ABL1: variants seen among roughly 807,000 people sequenced by gnomAD.
ABL1 encodes the protein ABL proto-oncogene 1, non-receptor tyrosine kinase.
A neutral mutation model predicts 94.7 loss-of-function variants in ABL1; 11 were observed. The observed-to-expected ratio is 0.12, with a 90% CI of 0.07 to 0.19. The LOEUF is 0.19. Among genes scored for constraint, ABL1 ranks in the 10% least tolerant of loss-of-function variants. The probability of loss-of-function intolerance (pLI) is 1.00; values close to 1 mark genes in which losing one functional copy is unlikely to be tolerated. For missense variants in ABL1, 1,082 were observed against 1,489.4 expected (o/e 0.73, Z 4.50); for synonymous variants, 656 against 622.4 (o/e 1.05, Z -0.80).
intron 1 of ABL1, among the ~76,000 whole-genome samples, chr9:130,825,236 C>T (rs1322639999): frequency 6.6e-6 from 1 of 152,134 alleles, no homozygotes; most frequent in Non-Finnish European, 1.5e-5. Context: ...CTGGGTTTTA[C>T]ACTGTGGGGA....
chr9:130,824,850 T>C (rs10119862), intron 1 of ABL1, among the ~76,000 whole-genome samples: 2,251 of 152,252 alleles, frequency 0.015, 45 homozygotes, highest in African/African-American at 0.05. Flanking sequence ...ATGCCACATC[T>C]GTCACTTTAA....
chr9:130,758,849 T>C (rs1015867428), intron 1 of ABL1, among the ~76,000 whole-genome samples: 2 of 152,218 alleles, frequency 1.3e-5, no homozygotes, highest in Non-Finnish European at 2.9e-5. Context: ...CAGTTTTCGG[T>C]GCATCTCATC....
chr9:130,724,866 C>G, intron 1 of ABL1: 1 of 465,942 alleles, frequency 2.1e-6, no homozygotes, highest in Non-Finnish European at 4.3e-6. Context: ...CTTCATTCGC[C>G]CAGTCCCTGT....
chr9:130,734,594 T>C (rs1157323324), intron 1 of ABL1, among the ~76,000 whole-genome samples: 2 of 150,562 alleles, frequency 1.3e-5, no homozygotes, highest in African/African-American at 4.9e-5. Flanking sequence ...TGATCTTGGC[T>C]CACTGCAATC....
chr9:130,798,681 AG>A (rs975328809), intron 1 of ABL1, among the ~76,000 whole-genome samples: 5 of 151,976 alleles, frequency 3.3e-5, no homozygotes, highest in South Asian at 2.1e-4. Context: ...AGGAATTGGA[AG>A]GGGGGGCCGG....
Position 130,835,364 on chromosome 9 carries a change from GCGCGGGCCGAGCCGGGCCTGAGCCGGGCC to G in ABL1, c.-77_-49del, listed in dbSNP as rs1276804731. 3.2e-5 allele frequency: 25 copies of G among 778,566 alleles called. No individual in the cohort carries two copies. The East Asian group carries it at 8.9e-4, about 28-fold the overall frequency. 48.2% of individuals were successfully genotyped at this position (778,566 alleles called of 1,614,324 possible). On this transcript the variant is annotated 5_prime_UTR_variant, in exon 1 of 11. Transcript: ENST00000318560. This position sits in a 1 kb window ranked among gnomAD's most constrained non-coding sequence, Gnocchi z 4.6. The stretch of plus-strand genomic sequence containing the variant: ...GCGGGGCCGGGGGCGCCGGGGGGGC[GCGCGGGCCGAGCCGGGCCTGAGCCGGGCC>G]CGCGGACCGAGCTGGGAGAGGGGTT...
intron 1 of ABL1, among the ~76,000 whole-genome samples, chr9:130,839,215 C>CT (rs1830633297): frequency 1.3e-5 from 2 of 152,104 alleles, no homozygotes; most frequent in South Asian, 4.2e-4. Flanking sequence ...GCATGAGCCA[C>CT]TGCACTCAGC....
intron 1 of ABL1, among the ~76,000 whole-genome samples, chr9:130,803,102 C>T (rs1042293237): frequency 4.6e-5 from 7 of 152,232 alleles, no homozygotes; most frequent in South Asian, 4.2e-4. Context: ...TGCAATGGCG[C>T]GATCTCAGCT....
Position 130,735,961 on chromosome 9 carries a change from A to ATATATATATTTTTT in ABL1, c.136+21507_136+21508insATATATATTTTTTT, listed in dbSNP as rs573602038. ...TATATATATATATATATATATATAT[A>ATATATATATTTTTT]TTTTTTTTTTTTAAGACAGGGTCTG... On this transcript the variant is annotated intron_variant, in intron 1 of 10. Coordinates refer to the ABL1 transcript ENST00000372348. Among the ~76,000 whole-genome samples the ATATATATATTTTTT allele has an allele frequency of 8.5e-4, 81 of 94,830 alleles. 1 individual carries two copies. Among genetic ancestry groups the ATATATATATTTTTT allele is most frequent in the East Asian group, 2.0e-3 (5 of 2,442 alleles). 62.2% of individuals were successfully genotyped at this position (94,830 alleles called of 152,430 possible). A position where few individuals can be genotyped will look rare whatever the true frequency, so the allele number is the denominator to read the frequency against.
rs888288563 is a variant in ABL1 at position 130,872,016 on chromosome 9, G to A, written c.823-113G>A. On this transcript the variant is annotated intron_variant, in intron 4 of 10. Coordinates refer to ENST00000318560, the MANE Select transcript of ABL1 (RefSeq NM_005157.6). The surrounding 1 kb of genome is among the most constrained non-coding windows in gnomAD (Gnocchi z 5.0). Reference sequence around the variant, plus strand: ...TGCAGCAATGTGGCTGTCACAAAACGCAGCCCAGGACGAGTATGCGCTGAA... The same window carrying A: ...TGCAGCAATGTGGCTGTCACAAAACACAGCCCAGGACGAGTATGCGCTGAA... 2.6e-5 allele frequency: 22 copies of A among 846,856 alleles called. No individual in the cohort carries two copies. Among genetic ancestry groups the A allele is most frequent in the Non-Finnish European group, 3.5e-5 (19 of 538,342 alleles). 52.5% of individuals were successfully genotyped at this position (846,856 alleles called of 1,614,324 possible).
rs1160908692 is a variant in ABL1, at chr9:130,835,598, T to G, written c.79+73T>G. On this transcript the variant is annotated intron_variant, in intron 1 of 10. Transcript: ENST00000318560. The surrounding 1 kb of genome is among the most constrained non-coding windows in gnomAD (Gnocchi z 4.6). ...GCTGCTGCTGGGCCCTTCCTAGGCC[T>G]CGCCGCCCGCGCGCTCCCGCCTGCG... 4.4e-5 allele frequency: 59 copies of G among 1,341,710 alleles called. No individual in the cohort carries two copies. In the South Asian group the frequency reaches 6.2e-4, roughly 14 times the overall value. 83.1% of individuals were successfully genotyped at this position (1,341,710 alleles called of 1,614,324 possible). A position where few individuals can be genotyped will look rare whatever the true frequency, so the allele number is the denominator to read the frequency against.
At chr9:130,797,155 G>A (rs1173437821) in intron 1 of ABL1, among the ~76,000 whole-genome samples, 1 of 132,310 alleles carries the variant, frequency 7.6e-6, no homozygotes, top group Non-Finnish European at 1.6e-5. Context: ...AGAATCGCTT[G>A]AACCCAGGCG....
intron 1 of ABL1, among the ~76,000 whole-genome samples, chr9:130,807,204 G>A (rs1251741430): frequency 6.6e-6 from 1 of 152,118 alleles, no homozygotes; most frequent in African/African-American, 2.4e-5. Context: ...TATTGTGTGA[G>A]TAGGCCATCA....
rs1564325609 is a variant in ABL1 at position 130,886,580 on chromosome 9, A to C, written c.*897A>C. 8.6e-6 allele frequency: 2 copies of C among 233,322 alleles called. No homozygotes were observed. The highest frequency in any genetic ancestry group is 3.6e-4 in the South Asian group (2 of 5,532). The allele number at this position is 233,322 out of a possible 1,614,324, so 14.5% of individuals were successfully genotyped here. ...CTAGTGGGGTGAACAGCTGGTGCCA[A>C]ATAGCCCCAGACTGGGCCCAGGCAG... On this transcript the variant is annotated 3_prime_UTR_variant, in exon 11 of 11. Coordinates refer to ENST00000318560, the MANE Select transcript of ABL1 (RefSeq NM_005157.6).
Position 130,875,040 on chromosome 9 carries a change from T to A in ABL1, c.1258T>A (p.Ser420Thr). The stretch of plus-strand genomic sequence containing the variant: ...GGCCTACAACAAGTTCTCCATCAAG[T>A]CCGACGTCTGGGGTAAGGGCTGCTG... ...SLAYNKFSIK[S>T]DVWAFGVLLW... The change falls in exon 7 of 11, where the codon TCC becomes ACC. Residue 420 changes from serine (S) to threonine (T), a missense_variant. By Grantham distance (58) the Ser-to-Thr change is moderately conservative. Transcript: ENST00000318560. The A allele has an allele frequency of 1.9e-6, 3 of 1,614,176 alleles. No homozygotes were observed. Among genetic ancestry groups the A allele is most frequent in the Non-Finnish European group, 2.5e-6 (3 of 1,180,022 alleles).
At chr9:130,744,619 G>A (rs947885182) in intron 1 of ABL1, among the ~76,000 whole-genome samples, 5 of 150,598 alleles carry the variant, frequency 3.3e-5, no homozygotes, top group African/African-American at 9.7e-5. Context: ...TTGGGGGGCC[G>A]AGGCAGGCGG....
chr9:130,848,393 C>T (rs1830807269), intron 1 of ABL1, among the ~76,000 whole-genome samples: 1 of 147,496 alleles, frequency 6.8e-6, no homozygotes, highest in Non-Finnish European at 1.5e-5. Flanking sequence ...TGGCTCACAT[C>T]TGTAATCCCA....
At chr9:130,813,241 G>A (rs535957381) in intron 1 of ABL1, among the ~76,000 whole-genome samples, 48 of 150,334 alleles carry the variant, frequency 3.2e-4, no homozygotes, top group African/African-American at 1.1e-3. Flanking sequence ...AAGCCTCAGT[G>A]AATGTAAGCT....
intron 1 of ABL1, among the ~76,000 whole-genome samples, chr9:130,758,422 A>G (rs1463822891): frequency 6.6e-6 from 1 of 151,928 alleles, no homozygotes; most frequent in African/African-American, 2.4e-5. Flanking sequence ...GGCCTCCCAA[A>G]GTGCTGGGAT....
Sources: gnomAD v4.1 joint callset for allele counts (sites outside exome capture counted in the v4.1 genomes callset) on GRCh38, gnomAD v4.1.1 for gene constraint, Gnocchi (gnomAD v3.1) non-coding constraint, MANE v1.5 for transcripts, NCBI Gene and HGNC (gene_info 2026-07-23, HGNC 2026-07-21) for gene names.